DNAH6: variants seen among roughly 807,000 people sequenced by gnomAD.
DNAH6 encodes the protein axonemal beta dynein heavy chain 6.
In DNAH6, 340 loss-of-function variants were observed where a neutral mutation model predicts 491.4. That is an observed-to-expected ratio of 0.69 (90% CI 0.63 to 0.76). The LOEUF is 0.76. Ranked by LOEUF, DNAH6 falls within the 30% of genes least tolerant of loss-of-function variation. DNAH6 has a pLI of 0.00. For synonymous variants in DNAH6, 1,603 were observed against 1,686.1 expected (o/e 0.95, Z 1.21); for missense variants, 4,443 against 4,972.2 (o/e 0.89, Z 3.20).
At position 84,705,702 on chromosome 2, in the gene DNAH6, G is replaced by A; in HGVS notation, c.8682G>A (p.Val2894=). Reference sequence around the variant, plus strand: ...GAGCTATGGATTTGTACTCTCGAGTGGTCAAGGTCGTCGAACCAAAAAGAC... The same window carrying A: ...GAGCTATGGATTTGTACTCTCGAGTAGTCAAGGTCGTCGAACCAAAAAGAC... ...WVRAMDLYSR[V]VKVVEPKRQK... Residue 2894 remains valine, a synonymous_variant, in exon 52 of 77, where the codon GTG becomes GTA. Transcript: ENST00000389394. The A allele has an allele frequency of 6.4e-7, 1 of 1,551,488 alleles. No individual in the cohort carries two copies. Among genetic ancestry groups the A allele is most frequent in the African/African-American group, 1.4e-5 (1 of 73,068 alleles).
intron 59 of DNAH6, among the ~76,000 whole-genome samples, chr2:84,720,365 G>T (rs1446953859): frequency 8.1e-6 from 1 of 123,296 alleles, no homozygotes; most frequent in African/African-American, 3.1e-5. Context: ...TGCAAGCTCC[G>T]CCTCCCGGGT....
In DNAH6 at chr2:84,694,290, T is replaced by C; in HGVS notation, c.7334T>C (p.Leu2445Pro). 3.9e-6 allele frequency: 6 copies of C among 1,552,220 alleles called. No homozygotes were observed. The highest frequency in any genetic ancestry group is 5.2e-6 in the Non-Finnish European group (6 of 1,147,100). ...MIRQERGNALLVGVGGTGKQS... is the reference protein window; with the variant it reads ...MIRQERGNALPVGVGGTGKQS... The stretch of plus-strand genomic sequence containing the variant: ...CGTCAAGAAAGAGGCAATGCCCTGC[T>C]TGTTGGAGTAGGAGGCACAGGAAAG... Residue 2445 changes from leucine (L) to proline (P), a missense_variant, in exon 46 of 77, where the codon CTT becomes CCT. By Grantham distance (98) the Leu-to-Pro change is moderately conservative. Around this residue, in one of 3 missense-constraint regions of DNAH6, gnomAD observed 2,977 missense variants for 3,296.6 expected, o/e 0.90. Transcript: ENST00000389394.
intron 71 of DNAH6, among the ~76,000 whole-genome samples, chr2:84,807,545 C>G (rs753371716): frequency 1.3e-5 from 2 of 152,204 alleles, no homozygotes; most frequent in Non-Finnish European, 2.9e-5. Flanking sequence ...CTGTCTCAGT[C>G]TCCTGCCCCC....
chr2:84,701,061 C>A (rs1695854812), intron 48 of DNAH6, 36 bp from the exon 49 acceptor site: 1 of 1,541,942 alleles, frequency 6.5e-7, no homozygotes, highest in Admixed American at 2.0e-5. Context: ...ATTGAAATGA[C>A]ACAACAGATT....
At chr2:84,810,889 C>G (rs1679904398) in intron 72 of DNAH6, among the ~76,000 whole-genome samples, 1 of 152,224 alleles carries the variant, frequency 6.6e-6, no homozygotes, top group East Asian at 1.9e-4. Flanking sequence ...TCGACTGCAA[C>G]ATGACCTCTT....
chr2:84,598,788 T>G (rs1288694259), intron 18 of DNAH6, among the ~76,000 whole-genome samples: 1 of 152,114 alleles, frequency 6.6e-6, no homozygotes, highest in Admixed American at 6.6e-5. Flanking sequence ...TCCCAGCACT[T>G]TGGGAGGCCG....
At chr2:84,655,376 G>A (rs2104574659) in intron 35 of DNAH6, among the ~76,000 whole-genome samples, 1 of 152,176 alleles carries the variant, frequency 6.6e-6, no homozygotes, top group South Asian at 2.1e-4. Context: ...ACTACTTTCT[G>A]TAGCTTCTGC....
chr2:84,604,510 C>T lies in DNAH6; in HGVS notation c.3040C>T (p.Gln1014Ter). The T allele has an allele frequency of 6.4e-7, 1 of 1,551,692 alleles. No homozygotes were observed. Among genetic ancestry groups the T allele is most frequent in the South Asian group, 1.2e-5 (1 of 84,064 alleles). The change falls in exon 19 of 77, where the codon CAG (glutamine) becomes TAG (stop). Residue 1014 changes from glutamine (Q) to a stop codon, truncating the protein, a stop_gained. Transcript: ENST00000389394. LOFTEE classifies it high-confidence loss of function. ...TCAAGAAATCCAGGACATATCTGGA[C>T]AGGCTTCTGGAGAAGCTGCCTTAGA... ...FGQEIQDISG[Q>*]ASGEAALEAI...
Position 84,704,170 on chromosome 2 carries a change from C to G in DNAH6, c.8333C>G (p.Pro2778Arg), listed in dbSNP as rs932177086. Residue 2778 changes from proline (P) to arginine (R), a missense_variant, in exon 51 of 77, where the codon CCT (proline) becomes CGT (arginine). Around this residue, in one of 3 missense-constraint regions of DNAH6, gnomAD observed 1,463 missense variants for 1,656.6 expected, o/e 0.88. Transcript: ENST00000389394. The stretch of plus-strand genomic sequence containing the variant: ...CAAAGAGATCTTGACGAGGCACTAC[C>G]TGCACTAGATGCTGCCAATAAAGCA... ...DAQRDLDEAL[P>R]ALDAANKALD... 7.1e-6 allele frequency: 11 copies of G among 1,551,774 alleles called. No homozygotes were observed. The highest frequency in any genetic ancestry group is 9.6e-6 in the Non-Finnish European group (11 of 1,147,030).
chr2:84,792,249 G>T (rs1289064003), intron 68 of DNAH6, among the ~76,000 whole-genome samples: 1 of 152,168 alleles, frequency 6.6e-6, no homozygotes, highest in Non-Finnish European at 1.5e-5. Flanking sequence ...GGGAGTTGTT[G>T]TTCAGTATAA....
At chr2:84,739,593 G>A (rs1402021493) in intron 62 of DNAH6, among the ~76,000 whole-genome samples, 1 of 152,028 alleles carries the variant, frequency 6.6e-6, no homozygotes, top group Non-Finnish European at 1.5e-5. Context: ...TGACAGATTG[G>A]TCTTCAAGTT....
At chr2:84,699,246 A>G (rs936887580) in intron 47 of DNAH6, among the ~76,000 whole-genome samples, 1 of 151,986 alleles carries the variant, frequency 6.6e-6, no homozygotes. Flanking sequence ...CTGCACCTGT[A>G]CAACTGTGCA....
chr2:84,773,638 T>G (rs999433690), intron 64 of DNAH6, among the ~76,000 whole-genome samples: 7 of 152,074 alleles, frequency 4.6e-5, no homozygotes, highest in Non-Finnish European at 7.4e-5. Flanking sequence ...TTCATAAATC[T>G]CCAAACTGCT....
At chr2:84,703,072 C>T (rs569616166) in intron 49 of DNAH6, among the ~76,000 whole-genome samples, 2 of 152,310 alleles carry the variant, frequency 1.3e-5, no homozygotes, top group African/African-American at 4.8e-5. Context: ...TGGACCTGTT[C>T]CTCACTCATT....
intron 62 of DNAH6, among the ~76,000 whole-genome samples, chr2:84,743,208 A>G (rs1672671526): frequency 6.6e-6 from 1 of 152,230 alleles, no homozygotes; most frequent in Non-Finnish European, 1.5e-5. Context: ...AAAGCAAAGT[A>G]ATTATAGGGA....
At chr2:84,587,812 G>A (rs1479765319) in intron 15 of DNAH6, among the ~76,000 whole-genome samples, 9 of 152,162 alleles carry the variant, frequency 5.9e-5, no homozygotes. Context: ...GCGAATAGAT[G>A]GGAGGGGCAG....
chr2:84,752,347 G>T (rs577263770), intron 63 of DNAH6, among the ~76,000 whole-genome samples: 1 of 152,248 alleles, frequency 6.6e-6, no homozygotes, highest in African/African-American at 2.4e-5. Flanking sequence ...AAGTAAGAAA[G>T]ATCTCTATAT....
chr2:84,545,414 G>A (rs184942826), intron 5 of DNAH6, among the ~76,000 whole-genome samples: 9 of 152,268 alleles, frequency 5.9e-5, no homozygotes, highest in Admixed American at 4.6e-4. Flanking sequence ...TCAGTCATTT[G>A]AAGTTATTTT....
chr2:84,484,666 G>T, the DNAH6 span, among the ~76,000 whole-genome samples: 1 of 152,176 alleles, frequency 6.6e-6, no homozygotes. Flanking sequence ...AGCTGGGAAA[G>T]GTCCTCCACT....
Sources: allele counts gnomAD v4.1 joint callset (sites outside exome capture counted in the v4.1 genomes callset), GRCh38; gene constraint gnomAD v4.1.1; regional missense constraint gnomAD v4.1.1; transcripts MANE v1.5; gene names NCBI Gene and HGNC (gene_info 2026-07-23, HGNC 2026-07-21).